XKR6: variants seen among roughly 807,000 people sequenced by gnomAD.
The protein encoded by XKR6 is XK-related protein 6.
XKR6 carries 22 observed loss-of-function variants against 56.7 expected under a neutral mutation model. The ratio of observed to expected loss-of-function variants is 0.39; its 90% CI spans 0.28 to 0.55. XKR6 has a LOEUF of 0.55. Among genes scored for constraint, XKR6 ranks in the 20% least tolerant of loss-of-function variants. The probability of loss-of-function intolerance (pLI) is 0.66; values close to 1 mark genes in which losing one functional copy is unlikely to be tolerated. For synonymous variants in XKR6, 524 were observed against 387.8 expected (o/e 1.35, Z -4.13); for missense variants, 852 against 889.0 (o/e 0.96, Z 0.53).
At chr8:10,929,894 T>A (rs2129119365) in intron 1 of XKR6, among the ~76,000 whole-genome samples, 1 of 152,318 alleles carries the variant, frequency 6.6e-6, no homozygotes, top group Admixed American at 6.5e-5. Context: ...TCTCCTTTCC[T>A]TACTTTGTAA....
At chr8:10,912,170 T>G (rs968938271) in intron 2 of XKR6, among the ~76,000 whole-genome samples, 7 of 146,992 alleles carry the variant, frequency 4.8e-5, no homozygotes, top group South Asian at 2.2e-4. Context: ...TGTATATATA[T>G]AGAGGGTATG....
intron 2 of XKR6, 136 bp downstream of exon 2, chr8:10,924,498 G>A: frequency 3.9e-6 from 4 of 1,022,818 alleles, no homozygotes; most frequent in Non-Finnish European, 5.6e-6. Context: ...TGCACTGGGG[G>A]CCGGGCGTCC....
intron 1 of XKR6, among the ~76,000 whole-genome samples, chr8:11,117,929 A>C (rs1334525222): frequency 6.6e-6 from 1 of 152,164 alleles, no homozygotes; most frequent in Non-Finnish European, 1.5e-5. Flanking sequence ...ATAAACCCAA[A>C]TGAGACGCTA....
intron 1 of XKR6, among the ~76,000 whole-genome samples, chr8:11,119,170 G>C (rs1198074209): frequency 6.6e-6 from 1 of 152,176 alleles, no homozygotes; most frequent in Non-Finnish European, 1.5e-5. Context: ...TGTGGTCTGA[G>C]AGACAGTTTG....
chr8:11,077,161 A>C (rs1168418996), intron 1 of XKR6, among the ~76,000 whole-genome samples: 1 of 152,106 alleles, frequency 6.6e-6, no homozygotes, highest in African/African-American at 2.4e-5. Flanking sequence ...TGGGCAACAG[A>C]GCAAGACTCT....
At chr8:11,026,684 C>G (rs530170966) in intron 1 of XKR6, among the ~76,000 whole-genome samples, 22 of 149,974 alleles carry the variant, frequency 1.5e-4, no homozygotes, top group African/African-American at 4.9e-4. Context: ...GCCTACTACA[C>G]ACCTAGATGG....
At chr8:10,932,478 G>C (rs1391335355) in intron 1 of XKR6, among the ~76,000 whole-genome samples, 1 of 147,070 alleles carries the variant, frequency 6.8e-6, no homozygotes, top group Non-Finnish European at 1.5e-5. Context: ...ACATCGTGCA[G>C]GTTAGTTACA....
chr8:11,088,198 A>G (rs17152846), intron 1 of XKR6, among the ~76,000 whole-genome samples: 6,203 of 152,250 alleles, frequency 0.041, 444 homozygotes, highest in African/African-American at 0.14. Context: ...GCAAATCCAC[A>G]CCTCTGTATC....
intron 1 of XKR6, among the ~76,000 whole-genome samples, chr8:11,189,563 T>G (rs1390981838): frequency 6.6e-6 from 1 of 152,132 alleles, no homozygotes; most frequent in Non-Finnish European, 1.5e-5. Flanking sequence ...ATTCCGCCCC[T>G]CTAAATCTAA....
intron 1 of XKR6, among the ~76,000 whole-genome samples, chr8:10,997,421 G>T (rs567625939): frequency 6.6e-6 from 1 of 152,330 alleles, no homozygotes; most frequent in Admixed American, 6.5e-5. Flanking sequence ...GGGCAGCCAG[G>T]ATGTAAACCC....
intron 1 of XKR6, among the ~76,000 whole-genome samples, chr8:11,126,534 G>A (rs746555336): frequency 2.6e-5 from 4 of 151,744 alleles, no homozygotes; most frequent in African/African-American, 9.7e-5. Flanking sequence ...CTTACAAAAC[G>A]CTCCTTCATA....
At chr8:11,076,498 G>A (rs915532899) in intron 1 of XKR6, among the ~76,000 whole-genome samples, 4 of 152,202 alleles carry the variant, frequency 2.6e-5, no homozygotes, top group African/African-American at 7.2e-5. Context: ...GGCACTAGAA[G>A]AACCCAAGGC....
intron 1 of XKR6, among the ~76,000 whole-genome samples, chr8:11,086,337 A>G (rs1797890338): frequency 1.3e-5 from 2 of 152,106 alleles, no homozygotes; most frequent in Admixed American, 6.5e-5. Context: ...TAAAGGACTC[A>G]TGAGACCCAG....
At chr8:11,143,443 G>C (rs1220484794) in intron 1 of XKR6, among the ~76,000 whole-genome samples, 1 of 152,200 alleles carries the variant, frequency 6.6e-6, no homozygotes, top group Non-Finnish European at 1.5e-5. Flanking sequence ...CCAATCTGCA[G>C]AAAACACAAG....
At chr8:10,907,945 C>T (rs1205191860) in intron 2 of XKR6, among the ~76,000 whole-genome samples, 1 of 152,246 alleles carries the variant, frequency 6.6e-6, no homozygotes, top group Non-Finnish European at 1.5e-5. Flanking sequence ...TGCCCTCCTC[C>T]CAACACTCTA....
At chr8:10,966,535 G>A (rs911065330) in intron 1 of XKR6, among the ~76,000 whole-genome samples, 6 of 152,090 alleles carry the variant, frequency 3.9e-5, no homozygotes, top group African/African-American at 1.2e-4. Flanking sequence ...TTAGCCTGGC[G>A]TGGTGGTGGG....
chr8:11,121,837 A>G (rs1043349412), intron 1 of XKR6, among the ~76,000 whole-genome samples: 2 of 152,238 alleles, frequency 1.3e-5, no homozygotes, highest in African/African-American at 4.8e-5. Flanking sequence ...CATATACACA[A>G]TGGAATACTA....
intron 1 of XKR6, among the ~76,000 whole-genome samples, chr8:11,088,702 C>T (rs968905173): frequency 9.8e-5 from 15 of 152,302 alleles, no homozygotes; most frequent in African/African-American, 2.9e-4. Flanking sequence ...CTGATTTCAA[C>T]GTTCTAGACA....
chr8:11,010,529 G>T (rs1334168627), intron 1 of XKR6, among the ~76,000 whole-genome samples: 1 of 152,036 alleles, frequency 6.6e-6, no homozygotes, highest in Admixed American at 6.6e-5. Flanking sequence ...CAATGCCCTA[G>T]CACAATGCCT....
Sources: gnomAD v4.1 joint callset for allele counts (sites outside exome capture counted in the v4.1 genomes callset) on GRCh38, gnomAD v4.1.1 for gene constraint, MANE v1.5 for transcripts, NCBI Gene and HGNC (gene_info 2026-07-23, HGNC 2026-07-21) for gene names.